The following NPAT variants were observed in gnomAD, a reference collection of about 807,000 sequenced individuals.
NPAT encodes protein NPAT.
NPAT carries 52 observed loss-of-function variants against 130.7 expected under a neutral mutation model. The observed-to-expected ratio is 0.40, with a 90% CI of 0.32 to 0.50. The LOEUF (loss-of-function observed/expected upper bound fraction) is 0.50. Ranked by LOEUF, NPAT falls within the 20% of genes least tolerant of loss-of-function variation. NPAT has a pLI of 0.68. For synonymous variants in NPAT, 580 were observed against 584.8 expected, an observed-to-expected ratio of 0.99 and a Z score of 0.12; for missense variants, 1,687 against 1,662.6, an observed-to-expected ratio of 1.01 and a Z score of -0.26.
rs930538494 is a variant in NPAT, at chr11:108,189,739, G to A, written c.332-409C>T. Among the ~76,000 whole-genome samples, 4 of 151,304 alleles carry A rather than the reference G, an allele frequency of 2.6e-5. No individual in the cohort carries two copies. The East Asian group carries it at 5.9e-4, about 22-fold the overall frequency. On this transcript the variant is annotated intron_variant, in intron 5 of 17. Transcript: ENST00000278612. ...CAAAAAATTAGCCGGGCGTGGTAGCGGGCGCCTGTAGTCCCAGCTACTCGG... is the reference window on the plus strand; with the variant it reads ...CAAAAAATTAGCCGGGCGTGGTAGCAGGCGCCTGTAGTCCCAGCTACTCGG...
Position 108,185,289 on chromosome 11 carries a change from T to C in NPAT, c.849A>G (p.Gln283=), listed in dbSNP as rs770316243. Residue 283 remains glutamine, a synonymous_variant, in exon 10 of 18, where the codon CAA becomes CAG. Coordinates refer to ENST00000278612, the MANE Select transcript of NPAT (RefSeq NM_002519.3). ...CTGGCTCCGTAGGGTTGTTATCTGTTTGCTTAGGTACTTGGGCAATATTGT... is the reference window on the plus strand; with the variant it reads ...CTGGCTCCGTAGGGTTGTTATCTGTCTGCTTAGGTACTTGGGCAATATTGT... The part of the protein sequence containing the change: ...SDNNIAQVPK[Q]TDNNPTEPET... 1 of 1,612,276 alleles carries C rather than the reference T, an allele frequency of 6.2e-7. No homozygotes were observed. The highest frequency in any genetic ancestry group is 8.5e-7 in the Non-Finnish European group (1 of 1,178,910).
intron 1 of NPAT, 117 bp downstream of exon 1, chr11:108,222,383 G>A: frequency 3.7e-6 from 4 of 1,091,306 alleles, no homozygotes; most frequent in South Asian, 1.3e-5. Context: ...GTCTCAACTC[G>A]TAAGCTGGGA....
chr11:108,206,470 G>A (rs1052382451), intron 1 of NPAT, among the ~76,000 whole-genome samples: 1 of 152,176 alleles, frequency 6.6e-6, no homozygotes, highest in Non-Finnish European at 1.5e-5. Context: ...GGCATATCCA[G>A]GCACTGGCTC....
chr11:108,214,778 G>A (rs768958691), intron 1 of NPAT, among the ~76,000 whole-genome samples: 2 of 151,852 alleles, frequency 1.3e-5, no homozygotes, highest in African/African-American at 2.4e-5. Flanking sequence ...GATTACAGAC[G>A]CCTGCCACCA....
rs568729031 is a variant in NPAT, at chr11:108,157,647, T to C, written c.*1295A>G. 3 of 152,238 alleles carry C rather than the reference T, an allele frequency of 2.0e-5. No individual in the cohort carries two copies. The highest frequency in any genetic ancestry group is 1.9e-4 in the East Asian group (1 of 5,190). The allele number at this position is 152,238 out of a possible 1,614,324, so 9.4% of individuals were successfully genotyped here. ...AGTACAAAAAAATGGTTGAGGAAAG[T>C]GACTCTTCAACAAAATATACACCTG... On this transcript the variant is annotated 3_prime_UTR_variant, in exon 18 of 18. Coordinates refer to ENST00000278612, the MANE Select transcript of NPAT (RefSeq NM_002519.3).
chr11:108,222,574 A>C lies in NPAT; in HGVS notation c.-38T>G, dbSNP rs1056793846. The C allele has an allele frequency of 7.2e-5, 116 of 1,612,268 alleles. No individual in the cohort carries two copies. The highest frequency in any genetic ancestry group is 9.7e-5 in the Non-Finnish European group (114 of 1,179,026). The stretch of plus-strand genomic sequence containing the variant: ...AGCAGGAACCACAATAAGGAACAAG[A>C]CTCAGGTTAAAGCAAACACAGCGAC... On this transcript the variant is annotated 5_prime_UTR_variant, in exon 1 of 18. Transcript: ENST00000278612.
intron 17 of NPAT, among the ~76,000 whole-genome samples, chr11:108,160,445 CAA>C (rs1211878955): frequency 6.6e-6 from 1 of 151,804 alleles, no homozygotes; most frequent in African/African-American, 2.4e-5. Flanking sequence ...CATCTAAGAA[CAA>C]AGTCATTTAT....
chr11:108,176,214 G>T, intron 12 of NPAT, 32 bp downstream of exon 12: 1 of 1,454,186 alleles, frequency 6.9e-7, no homozygotes, highest in South Asian at 1.1e-5. Context: ...TTAAGATTTG[G>T]ATTGATGATA....
At chr11:108,189,401 G>T in intron 5 of NPAT, 71 bp from the exon 6 acceptor site, 1 of 1,252,540 alleles carries the variant, frequency 8.0e-7, no homozygotes, top group South Asian at 1.2e-5. Flanking sequence ...AAGTCAATAT[G>T]ATGCAACCTA....
Position 108,172,725 on chromosome 11 carries a change from A to G in NPAT, c.2259T>C (p.Asp753=). Residue 753 remains aspartate, a synonymous_variant, in exon 13 of 18, where the codon GAT becomes GAC. Transcript: ENST00000278612. ...IISDDPFVSS[D]TELTSAVSSI... is the part of the protein sequence containing the mutation. ...TAGAAACAGCACTGGTAAGTTCAGT[A>G]TCTGAGGAAACAAATGGATCATCAC... 2.5e-6 allele frequency: 4 copies of G among 1,613,614 alleles called. No homozygotes were observed. The highest frequency in any genetic ancestry group is 3.4e-6 in the Non-Finnish European group (4 of 1,180,028).
chr11:108,215,100 T>C (rs2078420644), intron 1 of NPAT, among the ~76,000 whole-genome samples: 1 of 152,230 alleles, frequency 6.6e-6, no homozygotes, highest in Non-Finnish European at 1.5e-5. Flanking sequence ...CTATTTCCTT[T>C]GCTTGGGCAG....
intron 2 of NPAT, 81 bp from the exon 3 acceptor site, chr11:108,194,098 A>G: frequency 1.2e-6 from 1 of 804,544 alleles, no homozygotes; most frequent in Non-Finnish European, 2.1e-6. Context: ...CTACCATTCA[A>G]CTTAATAAAA....
chr11:108,210,803 C>G (rs752216470), intron 1 of NPAT, among the ~76,000 whole-genome samples: 1 of 152,194 alleles, frequency 6.6e-6, no homozygotes, highest in Non-Finnish European at 1.5e-5. Context: ...AACACCAATC[C>G]TTTACAAACT....
intron 3 of NPAT, among the ~76,000 whole-genome samples, chr11:108,193,403 T>G (rs2078189670): frequency 1.3e-5 from 2 of 152,204 alleles, no homozygotes; most frequent in African/African-American, 4.8e-5. Context: ...ACATAAAGAT[T>G]GTTGCAATTT....
Position 108,172,428 on chromosome 11 carries a change from C to G in NPAT, c.2556G>C (p.Leu852Phe), listed in dbSNP as rs1052196249. The change falls in exon 13 of 18, where the codon TTG becomes TTC. Residue 852 changes from leucine (L) to phenylalanine (F), a missense_variant. By Grantham distance (22) the Leu-to-Phe change is conservative. Transcript: ENST00000278612. ...CVSKDGGYIQ[L>F]MPATSTAFGN... ...CAAAAGCTGTGCTTGTGGCTGGCAT[C>G]AACTGTATATATCCTCCATCCTTGG... is the stretch of plus-strand genomic sequence containing the variant. 2 of 1,614,184 alleles carry G rather than the reference C, an allele frequency of 1.2e-6. No individual in the cohort carries two copies. The highest frequency in any genetic ancestry group is 2.2e-5 in the East Asian group (1 of 44,888).
At position 108,186,555 on chromosome 11, in the gene NPAT, T is replaced by C. The variant is rs1249002510; in HGVS notation, c.653A>G (p.Lys218Arg). ...PGRRKSESQR[K>R]STTLSGPHST... ...ATGAGGGCCAGACAAAGTGGTACTTTTTCTCTGAGATTCACTGAAACACAT... is the reference window on the plus strand; with the variant it reads ...ATGAGGGCCAGACAAAGTGGTACTTCTTCTCTGAGATTCACTGAAACACAT... Residue 218 changes from lysine to arginine, a missense_variant, in exon 8 of 18, where the codon AAA (lysine) becomes AGA (arginine). Coordinates refer to ENST00000278612, the MANE Select transcript of NPAT (RefSeq NM_002519.3). 6.2e-7 allele frequency: 1 copy of C among 1,613,936 alleles called. No homozygotes were observed. Among genetic ancestry groups the C allele is most frequent in the South Asian group, 1.1e-5 (1 of 91,080 alleles).
chr11:108,159,495 A>G (rs1159614386), intron 17 of NPAT, among the ~76,000 whole-genome samples: 2 of 152,226 alleles, frequency 1.3e-5, no homozygotes, highest in East Asian at 3.8e-4. Flanking sequence ...AGACTTAACC[A>G]TGATCACAGG....
chr11:108,219,909 A>G (rs763815028), intron 1 of NPAT, among the ~76,000 whole-genome samples: 2 of 152,278 alleles, frequency 1.3e-5, no homozygotes, highest in Admixed American at 6.5e-5. Context: ...TTTAAGAAGT[A>G]CTGACTGTAC....
At chr11:108,170,293 T>G (rs2134831704) in intron 13 of NPAT, 1 of 440,706 alleles carries the variant, frequency 2.3e-6, no homozygotes, top group East Asian at 4.9e-5. Context: ...GTCTTAATGT[T>G]ATTCAGTCAG....
Sources: allele counts gnomAD v4.1 joint callset (sites outside exome capture counted in the v4.1 genomes callset), GRCh38; gene constraint gnomAD v4.1.1; transcripts MANE v1.5; gene names NCBI Gene and HGNC (gene_info 2026-07-23, HGNC 2026-07-21).